The following ASTN1 variants were observed in gnomAD, a reference collection of about 807,000 sequenced individuals.
ASTN1 encodes astrotactin-1.
ASTN1 carries 41 observed loss-of-function variants against 140.7 expected under a neutral mutation model. The observed-to-expected ratio is 0.29, with a 90% CI of 0.23 to 0.38. The LOEUF (loss-of-function observed/expected upper bound fraction) is 0.38, where lower values mean the gene tolerates loss of function less well. Among genes scored for constraint, ASTN1 ranks in the 10% least tolerant of loss-of-function variants. The probability of loss-of-function intolerance (pLI) is 1.00; values close to 1 mark genes in which losing one functional copy is unlikely to be tolerated. For synonymous variants in ASTN1, 640 were observed against 652.2 expected, an observed-to-expected ratio of 0.98 and a Z score of 0.29; for missense variants, 1,479 against 1,678.8, an observed-to-expected ratio of 0.88 and a Z score of 2.08.
At chr1:176,888,540 G>A (rs930091028) in intron 17 of ASTN1, among the ~76,000 whole-genome samples, 9 of 152,044 alleles carry the variant, frequency 5.9e-5, no homozygotes, top group Non-Finnish European at 1.2e-4. Context: ...AAAAAATTAC[G>A]CCTCTACCAC....
At chr1:176,895,356 T>G (rs1669460459) in intron 16 of ASTN1, among the ~76,000 whole-genome samples, 1 of 152,208 alleles carries the variant, frequency 6.6e-6, no homozygotes, top group African/African-American at 2.4e-5. Flanking sequence ...AAGGTCTACT[T>G]TAACCTTTAT....
At chr1:177,003,899 C>T (rs889326338) in intron 8 of ASTN1, among the ~76,000 whole-genome samples, 1 of 152,028 alleles carries the variant, frequency 6.6e-6, no homozygotes, top group Non-Finnish European at 1.5e-5. Context: ...AAGCATTATG[C>T]CTAAGAACTG....
chr1:177,067,653 C>G (rs1678430842), intron 1 of ASTN1, among the ~76,000 whole-genome samples: 1 of 152,120 alleles, frequency 6.6e-6, no homozygotes. Context: ...AGTAGGGGAT[C>G]ACTAATTATC....
intron 21 of ASTN1, among the ~76,000 whole-genome samples, chr1:176,869,790 G>A (rs1474335517): frequency 6.6e-6 from 1 of 152,184 alleles, no homozygotes; most frequent in Non-Finnish European, 1.5e-5. Context: ...CAAAGTAGCA[G>A]GGCAGCCCTG....
intron 11 of ASTN1, among the ~76,000 whole-genome samples, chr1:176,955,277 A>G (rs1284325698): frequency 6.6e-6 from 1 of 152,162 alleles, no homozygotes; most frequent in Non-Finnish European, 1.5e-5. Context: ...TCCAGATGAC[A>G]AGGGACCACT....
At chr1:176,985,182 G>A (rs1000135849) in intron 8 of ASTN1, among the ~76,000 whole-genome samples, 4 of 152,128 alleles carry the variant, frequency 2.6e-5, no homozygotes, top group Non-Finnish European at 2.9e-5. Context: ...ATCTGCCAGG[G>A]GTAAAACAAA....
At chr1:176,980,521 C>A (rs1006758370) in intron 8 of ASTN1, among the ~76,000 whole-genome samples, 13 of 152,052 alleles carry the variant, frequency 8.5e-5, no homozygotes, top group Non-Finnish European at 4.4e-5. Flanking sequence ...CACAGAAAAC[C>A]AATGCAAGGC....
chr1:177,117,175 A>G (rs2102170271), intron 1 of ASTN1, among the ~76,000 whole-genome samples: 1 of 152,118 alleles, frequency 6.6e-6, no homozygotes, highest in African/African-American at 2.4e-5. Flanking sequence ...TGTTAATGAC[A>G]GTCTAGCCAG....
At chr1:177,062,824 A>G (rs948332070) in intron 1 of ASTN1, among the ~76,000 whole-genome samples, 1 of 152,208 alleles carries the variant, frequency 6.6e-6, no homozygotes, top group Non-Finnish European at 1.5e-5. Context: ...TATTATGCAC[A>G]GGCACTGTCC....
intron 1 of ASTN1, among the ~76,000 whole-genome samples, chr1:177,126,718 G>C (rs1681669896): frequency 1.3e-5 from 2 of 152,268 alleles, no homozygotes; most frequent in South Asian, 4.2e-4. Context: ...ATGATAACGT[G>C]TCATCATGCA....
intron 1 of ASTN1, among the ~76,000 whole-genome samples, chr1:177,161,464 C>T (rs1369779090): frequency 1.3e-5 from 2 of 152,174 alleles, no homozygotes; most frequent in African/African-American, 2.4e-5. Flanking sequence ...TTAATCCATG[C>T]AAAGAGCACA....
At position 177,030,799 on chromosome 1, in the gene ASTN1, T is replaced by G. The variant is rs915686198; in HGVS notation, c.1012+7A>C. On this transcript the variant is annotated splice_region_variant and intron_variant, in intron 4 of 22. Transcript: ENST00000361833. ...CACCCACGAGCCCTAATGTCAGACA[T>G]GCATACCTCTTGCTTTGTTGTTGAT... 1 of 1,613,924 alleles carries G rather than the reference T, an allele frequency of 6.2e-7. No homozygotes were observed. Among genetic ancestry groups the G allele is most frequent in the Non-Finnish European group, 8.5e-7 (1 of 1,179,944 alleles).
intron 16 of ASTN1, among the ~76,000 whole-genome samples, chr1:176,932,168 G>C (rs1671234498): frequency 6.6e-6 from 1 of 152,142 alleles, no homozygotes; most frequent in Non-Finnish European, 1.5e-5. Context: ...ATAAGAAACA[G>C]AGAAACTCAT....
chr1:176,973,390 C>T (rs553998169), intron 8 of ASTN1, among the ~76,000 whole-genome samples: 4 of 152,230 alleles, frequency 2.6e-5, no homozygotes, highest in South Asian at 2.1e-4. Context: ...TCAACTCCCA[C>T]GCTCCTCTAT....
At chr1:177,110,358 G>A (rs992895575) in intron 1 of ASTN1, among the ~76,000 whole-genome samples, 1 of 152,188 alleles carries the variant, frequency 6.6e-6, no homozygotes, top group Non-Finnish European at 1.5e-5. Flanking sequence ...TTATTGAAAC[G>A]AGTCATAAGA....
chr1:177,090,270 C>G (rs1649634694), intron 1 of ASTN1, among the ~76,000 whole-genome samples: 1 of 151,670 alleles, frequency 6.6e-6, no homozygotes, highest in Non-Finnish European at 1.5e-5. Flanking sequence ...CACTGTATTT[C>G]TTACTGTCTG....
At chr1:177,086,393 C>T (rs1679470722) in intron 1 of ASTN1, among the ~76,000 whole-genome samples, 1 of 152,076 alleles carries the variant, frequency 6.6e-6, no homozygotes, top group African/African-American at 2.4e-5. Flanking sequence ...CCAAACTAAA[C>T]AAATAAACCA....
intron 1 of ASTN1, among the ~76,000 whole-genome samples, chr1:177,141,509 CCT>C (rs1270991717): frequency 1.3e-5 from 2 of 152,138 alleles, no homozygotes; most frequent in Middle Eastern, 3.2e-3. Flanking sequence ...CCTTTTCATT[CCT>C]CTCTGTATTT....
At position 177,027,500 on chromosome 1, in the gene ASTN1, T is replaced by A. The variant is rs568315168; in HGVS notation, c.1120+2134A>T. ...AGCAGAAACTCAGTCACATGGCATGTGCATGGTCCTTTGTTAGCCATTTTC... is the reference window on the plus strand; with the variant it reads ...AGCAGAAACTCAGTCACATGGCATGAGCATGGTCCTTTGTTAGCCATTTTC... On this transcript the variant is annotated intron_variant, in intron 5 of 22. Transcript: ENST00000361833. Among the ~76,000 whole-genome samples, 6 of 151,208 alleles carry A rather than the reference T, an allele frequency of 4.0e-5. No homozygotes were observed. The South Asian group carries it at 1.3e-3, about 32-fold the overall frequency.
Sources: allele counts gnomAD v4.1 joint callset (sites outside exome capture counted in the v4.1 genomes callset), GRCh38; gene constraint gnomAD v4.1.1; transcripts MANE v1.5; gene names NCBI Gene and HGNC (gene_info 2026-07-23, HGNC 2026-07-21).